HDX: variants seen among roughly 807,000 people sequenced by gnomAD.
HDX encodes highly divergent homeobox, also known as chromosome X open reading frame 43.
HDX carries 19 observed loss-of-function variants against 45.2 expected under a neutral mutation model. The observed-to-expected ratio is 0.42, with a 90% confidence interval of 0.29 to 0.62. The LOEUF (loss-of-function observed/expected upper bound fraction) is 0.62, where lower values mean the gene tolerates loss of function less well. HDX is among the 20% of genes least tolerant of loss of function. HDX has a pLI of 0.20. For synonymous variants in HDX, 188 were observed against 172.8 expected (o/e 1.09, Z -0.69); for missense variants, 532 against 493.9 (o/e 1.08, Z -0.73).
chrX:84,364,736 C>T (rs1198364683), intron 5 of HDX, among the ~76,000 whole-genome samples: 6 of 109,542 alleles, frequency 5.5e-5, no homozygotes, highest in Non-Finnish European at 1.1e-4. Flanking sequence ...AAATTTTATA[C>T]CCGTGGAACA....
chrX:84,323,006 T>C (rs771251630), intron 10 of HDX, among the ~76,000 whole-genome samples: 1 of 110,727 alleles, frequency 9.0e-6, no homozygotes, highest in African/African-American at 3.3e-5. Flanking sequence ...TTGGAGAATA[T>C]ATGAAATCCA....
At position 84,444,179 on chromosome X, in the gene HDX, A is replaced by T. The variant is rs1267677222; in HGVS notation, c.1252-3594T>A. 3.6e-5 allele frequency among the ~76,000 whole-genome samples: 4 copies of T among 111,318 alleles called. No homozygotes were observed. In the East Asian group the frequency reaches 1.1e-3, roughly 32 times the overall value. ...ATGGCATGAGCACGGTGGAATAAAAAGACAGGATGTATTTGGGGAATGGTC... is the reference window on the plus strand; with the variant it reads ...ATGGCATGAGCACGGTGGAATAAAATGACAGGATGTATTTGGGGAATGGTC... On this transcript the variant is annotated intron_variant, in intron 4 of 10. Transcript: ENST00000373177.
intron 9 of HDX, among the ~76,000 whole-genome samples, chrX:84,329,108 G>A (rs1271903325): frequency 8.9e-6 from 1 of 112,031 alleles, no homozygotes; most frequent in African/African-American, 3.2e-5. Context: ...TTATCTTGCA[G>A]ATGAAGGCTC....
chrX:84,404,589 A>C (rs1328519560), intron 5 of HDX, among the ~76,000 whole-genome samples: 1 of 111,726 alleles, frequency 9.0e-6, no homozygotes, highest in African/African-American at 3.2e-5. Flanking sequence ...ATTCTTGAGG[A>C]CACAGGACAT....
chrX:84,365,928 C>A (rs926030041), intron 5 of HDX, among the ~76,000 whole-genome samples: 16 of 111,862 alleles, frequency 1.4e-4, no homozygotes, highest in African/African-American at 4.9e-4. Flanking sequence ...TGGCACAAAG[C>A]AAGGATGCCC....
At chrX:84,394,207 T>G (rs1177132043) in intron 5 of HDX, among the ~76,000 whole-genome samples, 1 of 111,645 alleles carries the variant, frequency 9.0e-6, no homozygotes, top group Non-Finnish European at 1.9e-5. Context: ...TCATTTTCAT[T>G]TGGCTCAAGA....
At chrX:84,344,912 G>A (rs1407593510) in intron 6 of HDX, among the ~76,000 whole-genome samples, 4 of 110,915 alleles carry the variant, frequency 3.6e-5, no homozygotes, top group Admixed American at 1.9e-4. Flanking sequence ...TCGAGAAAAC[G>A]ATTCACCAAA....
At chrX:84,334,099 T>C (rs1339306901) in intron 8 of HDX, among the ~76,000 whole-genome samples, 1 of 111,174 alleles carries the variant, frequency 9.0e-6, no homozygotes, top group Non-Finnish European at 1.9e-5. Context: ...ACAATATCCC[T>C]AACAAAGCAG....
chrX:84,436,895 T>G (rs1219016398), intron 5 of HDX, among the ~76,000 whole-genome samples: 2 of 110,566 alleles, frequency 1.8e-5, no homozygotes, highest in Non-Finnish European at 3.8e-5. Flanking sequence ...TTGTTGTTGT[T>G]AATTTTCTTT....
chrX:84,494,716 C>T (rs773209675), intron 1 of HDX, among the ~76,000 whole-genome samples: 1 of 111,763 alleles, frequency 8.9e-6, no homozygotes, highest in Non-Finnish European at 1.9e-5. Flanking sequence ...GAAAAGGAAA[C>T]TCTTGTACAA....
chrX:84,371,343 A>G (rs1309994440), intron 5 of HDX, among the ~76,000 whole-genome samples: 1 of 112,346 alleles, frequency 8.9e-6, no homozygotes, highest in Non-Finnish European at 1.9e-5. Context: ...AATCAGGTTC[A>G]TATTCATAGC....
chrX:84,498,937 A>G (rs1230343431), intron 1 of HDX, among the ~76,000 whole-genome samples: 1 of 110,966 alleles, frequency 9.0e-6, no homozygotes, highest in Non-Finnish European at 1.9e-5. Flanking sequence ...TTAGTCAAGC[A>G]TAACTTGGTG....
chrX:84,482,656 T>A (rs776202916), intron 2 of HDX, among the ~76,000 whole-genome samples: 3 of 111,320 alleles, frequency 2.7e-5, no homozygotes, highest in Non-Finnish European at 5.7e-5. Flanking sequence ...GAGATTTTGG[T>A]GGGGACACAG....
chrX:84,366,538 A>G (rs1430549935), intron 5 of HDX, among the ~76,000 whole-genome samples: 1 of 111,924 alleles, frequency 8.9e-6, no homozygotes, highest in African/African-American at 3.3e-5. Context: ...AATCCTAAGC[A>G]AAAAGAACAA....
chrX:84,432,410 G>A (rs1256324908), intron 5 of HDX, among the ~76,000 whole-genome samples: 1 of 111,971 alleles, frequency 8.9e-6, no homozygotes, highest in African/African-American at 3.2e-5. Context: ...TGAATCTGTG[G>A]ATTGCTTTGG....
intron 2 of HDX, among the ~76,000 whole-genome samples, chrX:84,478,195 A>G (rs2040597974): frequency 8.9e-6 from 1 of 112,035 alleles, no homozygotes; most frequent in Non-Finnish European, 1.9e-5. Context: ...TTTATATATC[A>G]TATTCAGATA....
chrX:84,404,047 A>G (rs1440318977), intron 5 of HDX: 1 of 111,347 alleles, frequency 9.0e-6, no homozygotes, highest in East Asian at 2.8e-4. Context: ...GGAGGAAAAA[A>G]CAATGTGCTG....
At chrX:84,493,705 G>A (rs1225877126) in intron 1 of HDX, among the ~76,000 whole-genome samples, 1 of 111,764 alleles carries the variant, frequency 8.9e-6, no homozygotes, top group African/African-American at 3.2e-5. Context: ...TATTCACATG[G>A]TAATGTGTTC....
chrX:84,377,000 C>T (rs988558363), intron 5 of HDX, among the ~76,000 whole-genome samples: 3 of 111,904 alleles, frequency 2.7e-5, no homozygotes, highest in Non-Finnish European at 5.6e-5. Context: ...GTGATGGTGG[C>T]CACAGCAGTG....
Sources: gnomAD v4.1 joint callset for allele counts (sites outside exome capture counted in the v4.1 genomes callset) on GRCh38, gnomAD v4.1.1 for gene constraint, MANE v1.5 for transcripts, NCBI Gene and HGNC (gene_info 2026-07-23, HGNC 2026-07-21) for gene names.